PIBF1: variants seen among roughly 807,000 people sequenced by gnomAD.
PIBF1 encodes the protein progesterone immunomodulatory binding factor 1.
PIBF1 carries 90 observed loss-of-function variants against 112.5 expected under a neutral mutation model. The observed-to-expected ratio is 0.80, with a 90% CI of 0.67 to 0.95. The LOEUF (loss-of-function observed/expected upper bound fraction) is 0.95, where lower values mean the gene tolerates loss of function less well. PIBF1 is among the 40% of genes least tolerant of loss of function. PIBF1 has a pLI of 0.00. For synonymous variants in PIBF1, 301 were observed against 288.6 expected (o/e 1.04, Z -0.44); for missense variants, 915 against 852.3 (o/e 1.07, Z -0.92).
rs564164756 is a variant in PIBF1 at position 73,005,168 on chromosome 13, T to TC, written c.2223+6175dup. On this transcript the variant is annotated intron_variant, in intron 17 of 17. Coordinates refer to ENST00000326291, the MANE Select transcript of PIBF1 (RefSeq NM_006346.4). ...CTAGCCTGGGCAACAAGAGTGAAAC[T>TC]CCATCTCAAATAAAAATAAAAATAG... Among the ~76,000 whole-genome samples, 750 of 152,198 alleles carry TC rather than the reference T, an allele frequency of 4.9e-3. 6 individuals carry two copies. Among genetic ancestry groups the TC allele is most frequent in the African/African-American group, 0.017 (700 of 41,526 alleles).
chr13:72,891,889 T>C (rs1222380036), intron 10 of PIBF1, among the ~76,000 whole-genome samples: 1 of 152,150 alleles, frequency 6.6e-6, no homozygotes, highest in Non-Finnish European at 1.5e-5. Flanking sequence ...AGTAATGAAA[T>C]GTTGATTCAT....
chr13:72,999,101 A>G (rs1294777044), intron 17 of PIBF1, 106 bp downstream of exon 17: 9 of 689,584 alleles, frequency 1.3e-5, no homozygotes, highest in African/African-American at 1.8e-5. Context: ...AGATTCCACA[A>G]ATATGTTTCA....
chr13:72,851,047 T>C (rs534349012), intron 9 of PIBF1, among the ~76,000 whole-genome samples: 10 of 152,330 alleles, frequency 6.6e-5, no homozygotes, highest in Non-Finnish European at 1.2e-4. Flanking sequence ...ATTTTAAATT[T>C]GTTGTTAATA....
intron 15 of PIBF1, among the ~76,000 whole-genome samples, chr13:72,968,366 T>C (rs1490366217): frequency 1.3e-5 from 2 of 151,326 alleles, no homozygotes; most frequent in Non-Finnish European, 2.9e-5. Context: ...AATGGCGCGA[T>C]CTCGGCTCAC....
chr13:72,854,965 G>A (rs551858703), intron 10 of PIBF1, among the ~76,000 whole-genome samples: 25 of 151,910 alleles, frequency 1.6e-4, no homozygotes, highest in Non-Finnish European at 3.7e-4. Context: ...GGGCATTATG[G>A]TAAATATCAT....
Position 72,783,474 on chromosome 13 carries a change from C to G in PIBF1, c.5C>G (p.Ser2Cys), listed in dbSNP as rs1368247948. Residue 2 changes from serine to cysteine, a missense_variant, in exon 2 of 18, where the codon TCT becomes TGT. Ser to Cys is a moderately radical substitution (Grantham distance 112). Transcript: ENST00000326291. M[S>C]RKISKESKKV... is the part of the protein sequence containing the mutation. ...AACTGATCCATAATAATAAAAATGT[C>G]TCGAAAAATTTCAAAGGAGTCAAAA... The G allele has an allele frequency of 1.9e-6, 3 of 1,584,372 alleles. No homozygotes were observed. In the African/African-American group the frequency reaches 4.1e-5, roughly 22 times the overall value.
At chr13:72,956,777 A>G (rs2042457168) in intron 14 of PIBF1, among the ~76,000 whole-genome samples, 1 of 152,246 alleles carries the variant, frequency 6.6e-6, no homozygotes, top group Non-Finnish European at 1.5e-5. Flanking sequence ...GACGAAGTCT[A>G]GAATCAAGCC....
chr13:72,784,764 AT>A (rs1214267586), intron 2 of PIBF1, among the ~76,000 whole-genome samples: 1 of 152,142 alleles, frequency 6.6e-6, no homozygotes, highest in Non-Finnish European at 1.5e-5. Context: ...TCTCAAAAAA[AT>A]AATAATAATA....
intron 11 of PIBF1, among the ~76,000 whole-genome samples, chr13:72,902,776 G>A (rs2040544559): frequency 6.6e-6 from 1 of 152,212 alleles, no homozygotes; most frequent in Non-Finnish European, 1.5e-5. Flanking sequence ...TTAGATTTGG[G>A]GAAAAGGCTA....
intron 17 of PIBF1, among the ~76,000 whole-genome samples, chr13:73,011,071 C>A (rs1231975194): frequency 7.9e-5 from 12 of 151,954 alleles, no homozygotes; most frequent in Non-Finnish European, 1.8e-4. Context: ...GGTGATCCCC[C>A]CCACCTTGGC....
intron 5 of PIBF1, among the ~76,000 whole-genome samples, chr13:72,813,561 A>G (rs7331370): frequency 0.31 from 47,485 of 151,990 alleles, 9,005 homozygotes; most frequent in African/African-American, 0.54. Context: ...CCAGGATGAT[A>G]TGACCAAAAC....
chr13:72,794,082 G>T (rs2035070463), intron 3 of PIBF1, among the ~76,000 whole-genome samples: 1 of 152,158 alleles, frequency 6.6e-6, no homozygotes. Flanking sequence ...AGGAACCACA[G>T]TAAAATAGAA....
At chr13:72,986,676 C>CTT (rs765529786) in intron 16 of PIBF1, among the ~76,000 whole-genome samples, 1,530 of 88,996 alleles carry the variant, frequency 0.017, no homozygotes, top group Middle Eastern at 0.025. Context: ...TTTCTGTCAT[C>CTT]TTTTTTTTTT....
At chr13:72,876,173 C>T (rs146655325) in intron 10 of PIBF1, among the ~76,000 whole-genome samples, 2 of 100,134 alleles carry the variant, frequency 2.0e-5, no homozygotes, top group Non-Finnish European at 1.8e-5. Flanking sequence ...TGTCCTATTG[C>T]TCTAGCAACA....
chr13:72,928,178 A>G (rs2041590320), intron 13 of PIBF1, among the ~76,000 whole-genome samples: 1 of 151,392 alleles, frequency 6.6e-6, no homozygotes, highest in Non-Finnish European at 1.5e-5. Context: ...ATTATGCATC[A>G]TAAATGACAT....
intron 16 of PIBF1, among the ~76,000 whole-genome samples, chr13:72,987,006 G>A (rs892007141): frequency 2.0e-5 from 3 of 152,150 alleles, no homozygotes; most frequent in African/African-American, 7.2e-5. Context: ...CATCTTAAAT[G>A]TATTAGAATA....
intron 10 of PIBF1, among the ~76,000 whole-genome samples, chr13:72,871,243 C>A (rs1757616025): frequency 6.6e-6 from 1 of 152,138 alleles, no homozygotes; most frequent in African/African-American, 2.4e-5. Context: ...AGATCATATT[C>A]CAAAATATAG....
rs143123256 is a variant in PIBF1 at position 72,837,348 on chromosome 13, A to G, written c.1223+1980A>G. Among the ~76,000 whole-genome samples the G allele has an allele frequency of 7.6e-3, 1,152 of 152,228 alleles. 14 individuals are homozygous for G. Among genetic ancestry groups the G allele is most frequent in the Middle Eastern group, 0.014 (4 of 294 alleles). On this transcript the variant is annotated intron_variant, in intron 9 of 17. Transcript: ENST00000326291. ...AGCACCATAATCTTTTATGTGAATA[A>G]GGCTTTTGAAGTCCTAAGCTAGCCT...
rs202194120 is a variant in PIBF1, at chr13:72,981,136, T to G, written c.2049+7461T>G. Among the ~76,000 whole-genome samples the G allele has an allele frequency of 3.6e-4, 55 of 151,578 alleles. No homozygotes were observed. In the East Asian group the frequency reaches 5.5e-3, roughly 15 times the overall value. On this transcript the variant is annotated intron_variant, in intron 16 of 17. Coordinates refer to ENST00000326291, the MANE Select transcript of PIBF1 (RefSeq NM_006346.4). Reference sequence around the variant, plus strand: ...GGCAGACACCCGTAGTCCCAGCTACTCGGGAGCCTGCGGCAGGAGAATCAC... The same window carrying G: ...GGCAGACACCCGTAGTCCCAGCTACGCGGGAGCCTGCGGCAGGAGAATCAC...
Sources: gnomAD v4.1 joint callset for allele counts (sites outside exome capture counted in the v4.1 genomes callset) on GRCh38, gnomAD v4.1.1 for gene constraint, MANE v1.5 for transcripts, NCBI Gene and HGNC (gene_info 2026-07-23, HGNC 2026-07-21) for gene names.